Variants in EXD3 observed in about 807,000 individuals in gnomAD.
The protein encoded by EXD3 is exonuclease 3'-5' domain containing 3.
Under a neutral mutation model 98.0 loss-of-function variants are expected in EXD3, and 92 were observed. The observed-to-expected ratio is 0.94, with a 90% CI of 0.79 to 1.12. The LOEUF (loss-of-function observed/expected upper bound fraction) is 1.12. EXD3 is among the 50% of genes most tolerant of loss of function. The pLI is 0.00. For synonymous variants in EXD3, 569 were observed against 526.0 expected (o/e 1.08, Z -1.12); for missense variants, 1,222 against 1,191.6 (o/e 1.03, Z -0.38).
intron 1 of EXD3, among the ~76,000 whole-genome samples, chr9:137,396,109 A>G (rs1464959894): frequency 1.3e-5 from 2 of 151,984 alleles, no homozygotes; most frequent in Non-Finnish European, 2.9e-5. Flanking sequence ...CTGGGATGAC[A>G]GGCATGCGCC....
At chr9:137,369,062 G>A (rs1305916958) in intron 5 of EXD3, among the ~76,000 whole-genome samples, 1 of 144,562 alleles carries the variant, frequency 6.9e-6, no homozygotes, top group South Asian at 2.2e-4. Context: ...CGCAGGACCC[G>A]GGGAGGGGGT....
intron 3 of EXD3, among the ~76,000 whole-genome samples, chr9:137,381,820 CAGGACCCCCA>C (rs879507448): frequency 3.9e-5 from 6 of 152,210 alleles, no homozygotes; most frequent in Non-Finnish European, 7.3e-5. Flanking sequence ...CCTCAGCACC[CAGGACCCCCA>C]AGGACCCCAT....
Position 137,395,233 on chromosome 9 carries a change from C to T in EXD3, c.55+70G>A, listed in dbSNP as rs370401985. The T allele has an allele frequency of 1.9e-4, 265 of 1,371,822 alleles. No individual in the cohort carries two copies. In the African/African-American group the frequency reaches 3.5e-3, roughly 18 times the overall value. The allele number at this position is 1,371,822 out of a possible 1,614,324, so 85.0% of individuals were successfully genotyped here. ...CTGAGTACACAGTGGGCGCCACCAC[C>T]CCCCATGCACACCCACGCACCTCCC... On this transcript the variant is annotated intron_variant, in intron 2 of 21. Coordinates refer to ENST00000340951, the MANE Select transcript of EXD3 (RefSeq NM_017820.5). This position sits in a 1 kb window ranked among gnomAD's most constrained non-coding sequence, Gnocchi z 6.5.
In EXD3 at chr9:137,347,253, G is replaced by A. The variant is rs934348680; in HGVS notation, c.1998+818C>T. Among the ~76,000 whole-genome samples, 2 of 152,170 alleles carry A rather than the reference G, an allele frequency of 1.3e-5. No individual in the cohort carries two copies. Among genetic ancestry groups the A allele is most frequent in the African/African-American group, 4.8e-5 (2 of 41,446 alleles). On this transcript the variant is annotated intron_variant, in intron 17 of 21. Coordinates refer to ENST00000340951, the MANE Select transcript of EXD3 (RefSeq NM_017820.5). This position sits in a 1 kb window ranked among gnomAD's most constrained non-coding sequence, Gnocchi z 4.2. ...TGGCTGAAATCACAGTGTTCGCGACGGCAGGCTCCTCTTAGGAGACTCCGG... is the reference window on the plus strand; with the variant it reads ...TGGCTGAAATCACAGTGTTCGCGACAGCAGGCTCCTCTTAGGAGACTCCGG...
intron 2 of EXD3, among the ~76,000 whole-genome samples, chr9:137,383,854 T>A (rs1216314945): frequency 6.7e-6 from 1 of 150,304 alleles, no homozygotes; most frequent in Non-Finnish European, 1.5e-5. Flanking sequence ...CAGCCCCGCC[T>A]GGGAGGCCCC....
intron 1 of EXD3, among the ~76,000 whole-genome samples, chr9:137,397,802 G>A (rs1837287446): frequency 6.6e-6 from 1 of 152,192 alleles, no homozygotes; most frequent in Admixed American, 6.5e-5. Context: ...AAGTAGCCGG[G>A]TGTGGTGGCT....
At chr9:137,384,433 C>G (rs7468804) in intron 2 of EXD3, among the ~76,000 whole-genome samples, 43 of 152,226 alleles carry the variant, frequency 2.8e-4, no homozygotes, top group African/African-American at 1.0e-3. Context: ...GTTCAGCTCA[C>G]AATTTAAGAA....
At chr9:137,406,291 GA>G (rs535972920) in intron 1 of EXD3, among the ~76,000 whole-genome samples, 185 of 143,104 alleles carry the variant, frequency 1.3e-3, no homozygotes, top group African/African-American at 4.3e-3. Flanking sequence ...AAGGAAAAAG[GA>G]AAAAAAAAAG....
intron 2 of EXD3, 29 bp from the exon 3 acceptor site, chr9:137,383,406 G>A (rs1233068233): frequency 6.6e-7 from 1 of 1,505,450 alleles, no homozygotes; most frequent in Non-Finnish European, 9.0e-7. Context: ...AGCCGTGGGA[G>A]GGAGAGGCAG....
chr9:137,326,705 A>G (rs984734028), intron 17 of EXD3, among the ~76,000 whole-genome samples: 4 of 152,160 alleles, frequency 2.6e-5, no homozygotes, highest in African/African-American at 9.7e-5. Context: ...AGGGAAATAA[A>G]TGTTGGTGGG....
chr9:137,373,426 C>G lies in EXD3; in HGVS notation c.294G>C (p.Gln98His), dbSNP rs772473403. Residue 98 changes from glutamine (Q) to histidine (H), a missense_variant and splice_region_variant, in exon 4 of 22, where the codon CAG becomes CAC. Physicochemically the swap from Gln to His is conservative, Grantham distance 24 (BLOSUM62 0). Coordinates refer to ENST00000340951, the MANE Select transcript of EXD3 (RefSeq NM_017820.5). ...LQAQPCPSLA[Q>H]HSLRLKQLQA... is the part of the protein sequence containing the mutation. ...ACTGTCACAGAACCCATGGGCTCAC[C>G]TGGGCCAGGCTCGGGCATGGCTGTG... The G allele has an allele frequency of 2.5e-6, 4 of 1,606,234 alleles. No individual in the cohort carries two copies. The highest frequency in any genetic ancestry group is 3.4e-6 in the Non-Finnish European group (4 of 1,179,242).
At chr9:137,414,660 T>C (rs1323063300) in intron 1 of EXD3, among the ~76,000 whole-genome samples, 1 of 152,216 alleles carries the variant, frequency 6.6e-6, no homozygotes, top group African/African-American at 2.4e-5. Flanking sequence ...CCAATTTAAC[T>C]TAAGGATTGT....
intron 10 of EXD3, chr9:137,353,973 C>CG (rs531350329): frequency 0.058 from 62,729 of 1,082,404 alleles, 2,415 homozygotes; most frequent in African/African-American, 0.18. Flanking sequence ...TGGCACCGGG[C>CG]TGGGGGGGCC....
intron 1 of EXD3, among the ~76,000 whole-genome samples, chr9:137,416,025 A>T (rs1262260690): frequency 1.3e-5 from 2 of 152,156 alleles, no homozygotes; most frequent in Non-Finnish European, 2.9e-5. Flanking sequence ...CCTGGTTTGT[A>T]TTCATGAACA....
At chr9:137,389,528 G>A (rs187831339) in intron 2 of EXD3, among the ~76,000 whole-genome samples, 1 of 152,288 alleles carries the variant, frequency 6.6e-6, no homozygotes, top group East Asian at 1.9e-4. Flanking sequence ...AGAGCCCACC[G>A]TTCGATGCTG....
At chr9:137,402,077 G>A (rs1358922422) in intron 1 of EXD3, among the ~76,000 whole-genome samples, 4 of 152,196 alleles carry the variant, frequency 2.6e-5, no homozygotes, top group Admixed American at 1.3e-4. Context: ...GTGCAGTGGT[G>A]TGATCTCGGC....
intron 17 of EXD3, among the ~76,000 whole-genome samples, chr9:137,344,735 C>T (rs892178367): frequency 4.0e-5 from 6 of 150,030 alleles, no homozygotes; most frequent in Non-Finnish European, 8.8e-5. Flanking sequence ...CTCCTGCTCA[C>T]ATTCTATCAT....
intron 3 of EXD3, among the ~76,000 whole-genome samples, chr9:137,380,959 C>T (rs980731131): frequency 3.4e-5 from 5 of 146,754 alleles, no homozygotes; most frequent in South Asian, 2.2e-4. Context: ...AATAGCCAGG[C>T]GTGGTGTTGC....
intron 19 of EXD3, among the ~76,000 whole-genome samples, chr9:137,320,919 C>T (rs1031957787): frequency 2.0e-5 from 3 of 151,898 alleles, no homozygotes; most frequent in Non-Finnish European, 4.4e-5. Context: ...GGCCTGAGCA[C>T]AGACAAAGAG....
Sources: allele counts gnomAD v4.1 joint callset (sites outside exome capture counted in the v4.1 genomes callset), GRCh38; gene constraint gnomAD v4.1.1; non-coding constraint Gnocchi (gnomAD v3.1); transcripts MANE v1.5; gene names NCBI Gene and HGNC (gene_info 2026-07-23, HGNC 2026-07-21).